Variants in MARK2 observed in about 807,000 individuals in gnomAD.
MARK2 encodes serine/threonine-protein kinase MARK2.
In MARK2, 16 loss-of-function variants were observed where a neutral mutation model predicts 89.8. The observed-to-expected ratio is 0.18, with a 90% CI of 0.12 to 0.27. The LOEUF is 0.27. Among genes scored for constraint, MARK2 ranks in the 10% least tolerant of loss-of-function variants. The pLI is 1.00. For missense variants in MARK2, 621 were observed against 1,049.9 expected (o/e 0.59, Z 5.65); for synonymous variants, 382 against 399.5 (o/e 0.96, Z 0.52).
intron 1 of MARK2, among the ~76,000 whole-genome samples, chr11:63,847,201 T>C (rs2016330368): frequency 6.6e-6 from 1 of 152,360 alleles, no homozygotes; most frequent in East Asian, 1.9e-4. Context: ...TATTTCCCCC[T>C]ACTTGCAGTT....
At chr11:63,871,057 T>C (rs1282369184) in intron 1 of MARK2, among the ~76,000 whole-genome samples, 1 of 152,234 alleles carries the variant, frequency 6.6e-6, no homozygotes, top group Non-Finnish European at 1.5e-5. Context: ...TACATGTATA[T>C]GTGTATATAC....
rs1941025993 is a variant in MARK2 at position 63,902,991 on chromosome 11, C to T, written c.1417-70C>T. Reference sequence around the variant, plus strand: ...AGGGACAGGAAGCCTGTTCCATGAACCTGGGGGGAGAACCTGGCTGTAGAC... The same window carrying T: ...AGGGACAGGAAGCCTGTTCCATGAATCTGGGGGGAGAACCTGGCTGTAGAC... On this transcript the variant is annotated intron_variant, in intron 13 of 18. Transcript: ENST00000402010. The surrounding 1 kb of genome is among the most constrained non-coding windows in gnomAD (Gnocchi z 4.2). 17 of 1,367,938 alleles carry T rather than the reference C, an allele frequency of 1.2e-5. 1 individual carries two copies. In the South Asian group the frequency reaches 1.9e-4, roughly 15 times the overall value. The allele number at this position is 1,367,938 out of a possible 1,614,324, so 84.7% of individuals were successfully genotyped here. A position where few individuals can be genotyped will look rare whatever the true frequency, so the allele number is the denominator to read the frequency against.
chr11:63,839,512 C>T lies in MARK2; in HGVS notation c.6C>T (p.Ser2=), dbSNP rs2015892467. M[S]SARTPLPTLN... ...TCCCCCGAGATACCGGCGCCATGTCCAGCGCTCGGACCCCCCTACCCACGC... is the reference window on the plus strand; with the variant it reads ...TCCCCCGAGATACCGGCGCCATGTCTAGCGCTCGGACCCCCCTACCCACGC... Residue 2 remains serine (S), a synonymous_variant, in exon 1 of 19, where the codon TCC becomes TCT. Transcript: ENST00000402010. The T allele has an allele frequency of 2.0e-6, 3 of 1,535,522 alleles. No individual in the cohort carries two copies. In the African/African-American group the frequency reaches 4.2e-5, roughly 21 times the overall value.
At chr11:63,841,321 A>T (rs556148406) in intron 1 of MARK2, among the ~76,000 whole-genome samples, 5 of 152,186 alleles carry the variant, frequency 3.3e-5, no homozygotes, top group African/African-American at 1.2e-4. Flanking sequence ...TTTTCTCTGC[A>T]GGGTTGACCC....
At chr11:63,870,598 C>A (rs1938390872) in intron 1 of MARK2, among the ~76,000 whole-genome samples, 1 of 152,154 alleles carries the variant, frequency 6.6e-6, no homozygotes, top group Non-Finnish European at 1.5e-5. Context: ...GTGATTTAGT[C>A]TTGGAAATTC....
intron 1 of MARK2, among the ~76,000 whole-genome samples, chr11:63,883,594 C>G (rs1939228265): frequency 6.7e-6 from 1 of 150,150 alleles, no homozygotes; most frequent in African/African-American, 2.5e-5. Context: ...TTTTTTTTTC[C>G]TTTGAGACAG....
chr11:63,894,819 A>G (rs1158194023), intron 1 of MARK2, among the ~76,000 whole-genome samples: 1 of 152,216 alleles, frequency 6.6e-6, no homozygotes, highest in Non-Finnish European at 1.5e-5. Flanking sequence ...CAGTGTGCAC[A>G]GGCAGCATGG....
intron 1 of MARK2, among the ~76,000 whole-genome samples, chr11:63,884,539 T>C (rs1335105369): frequency 6.6e-6 from 1 of 152,238 alleles, no homozygotes; most frequent in Non-Finnish European, 1.5e-5. Flanking sequence ...GCTTTGTGCT[T>C]AAGTTGCAGG....
intron 1 of MARK2, among the ~76,000 whole-genome samples, chr11:63,845,042 A>G (rs531005392): frequency 4.4e-4 from 67 of 152,316 alleles, no homozygotes; most frequent in Non-Finnish European, 7.8e-4. Context: ...CTTCTCTGCT[A>G]AATGGACTCC....
chr11:63,900,733 C>T lies in MARK2; in HGVS notation c.889-47C>T. ...GCCTGGGGTCCCCACAGAAACTTTC[C>T]AGCTGAGTTTCTTCCCCCTGCCCTT... is the stretch of plus-strand genomic sequence containing the variant. On this transcript the variant is annotated intron_variant, in intron 9 of 18. Transcript: ENST00000402010. This position sits in a 1 kb window ranked among gnomAD's most constrained non-coding sequence, Gnocchi z 4.7. The T allele has an allele frequency of 6.2e-7, 1 of 1,613,656 alleles. No individual in the cohort carries two copies. The highest frequency in any genetic ancestry group is 1.3e-5 in the African/African-American group (1 of 75,030).
chr11:63,899,249 C>CT (rs66492279), intron 7 of MARK2, 141 bp downstream of exon 7: 25,210 of 512,276 alleles, frequency 0.049, 3 homozygotes, highest in East Asian at 0.066. Flanking sequence ...TTCTTTCTTT[C>CT]TTTTTTTTTT....
At chr11:63,860,120 C>T (rs989570935) in intron 1 of MARK2, among the ~76,000 whole-genome samples, 5 of 152,180 alleles carry the variant, frequency 3.3e-5, no homozygotes, top group Admixed American at 2.6e-4. Context: ...CCCTGTAATT[C>T]TCAACTTTGT....
In MARK2 at chr11:63,898,301, C is replaced by T. The variant is rs769062075; in HGVS notation, c.337+21C>T. The stretch of plus-strand genomic sequence containing the variant: ...CATAGGTGAGCACAAGTTGTTATTT[C>T]TTTCTTCTTCCCCAACAGCAAGGCA... On this transcript the variant is annotated intron_variant, in intron 4 of 18. Transcript: ENST00000402010. 2.5e-6 allele frequency: 4 copies of T among 1,609,368 alleles called. No homozygotes were observed. In the East Asian group the frequency reaches 6.7e-5, roughly 27 times the overall value.
intron 17 of MARK2, among the ~76,000 whole-genome samples, chr11:63,907,372 G>T (rs940362856): frequency 1.3e-5 from 2 of 152,224 alleles, no homozygotes; most frequent in African/African-American, 4.8e-5. Flanking sequence ...CTCCCTGCTC[G>T]CAGTGCGCTT....
intron 1 of MARK2, among the ~76,000 whole-genome samples, chr11:63,889,456 A>G (rs549443639): frequency 1.2e-3 from 188 of 152,308 alleles, no homozygotes; most frequent in Non-Finnish European, 2.0e-3. Flanking sequence ...GAGCTTCTCC[A>G]TGGGACAACT....
rs1222522372 is a variant in MARK2 at position 63,895,296 on chromosome 11, T to C, written c.192T>C (p.Phe64=). 6.2e-7 allele frequency: 1 copy of C among 1,614,060 alleles called. No homozygotes were observed. Among genetic ancestry groups the C allele is most frequent in the Non-Finnish European group, 8.5e-7 (1 of 1,180,016 alleles). ...TCAAGACCATTGGCAAGGGTAATTT[T>C]GCCAAGGTGAAGTTGGCCCGACACA... ...RLLKTIGKGN[F]AKVKLARHIL... Residue 64 remains phenylalanine (F), a synonymous_variant, in exon 2 of 19, where the codon TTT becomes TTC. Transcript: ENST00000402010.
In MARK2 at chr11:63,858,724, A is replaced by G. The variant is rs142658846; in HGVS notation, c.54+19164A>G. On this transcript the variant is annotated intron_variant, in intron 1 of 18. Transcript: ENST00000402010. ...AAGAAAGCCATTTGACGTCATCAGT[A>G]AGAGTAAAGGGATTCCAGACAGTGT... 3.6e-3 allele frequency among the ~76,000 whole-genome samples: 552 copies of G among 152,362 alleles called. 7 individuals are homozygous for G. Among genetic ancestry groups the G allele is most frequent in the Non-Finnish European group, 4.8e-3 (327 of 68,032 alleles).
Position 63,903,482 on chromosome 11 carries a change from T to A in MARK2, c.1514+324T>A. On this transcript the variant is annotated intron_variant, in intron 14 of 18. Coordinates refer to ENST00000402010, the MANE Select transcript of MARK2 (RefSeq NM_001039469.3). The surrounding 1 kb of genome is among the most constrained non-coding windows in gnomAD (Gnocchi z 5.1). The stretch of plus-strand genomic sequence containing the variant: ...AGCAGCTAAGGCCTTGTGTTGGGGG[T>A]CCCAGCTCAGGGCAGAACCAAGAGA... 1 of 395,408 alleles carries A rather than the reference T, an allele frequency of 2.5e-6. No individual in the cohort carries two copies. Among genetic ancestry groups the A allele is most frequent in the South Asian group, 2.5e-5 (1 of 40,042 alleles). 24.5% of individuals were successfully genotyped at this position (395,408 alleles called of 1,614,324 possible).
Position 63,887,926 on chromosome 11 carries a change from G to A in MARK2, c.55-7233G>A, listed in dbSNP as rs73494126. Among the ~76,000 whole-genome samples the A allele has an allele frequency of 4.5e-3, 684 of 152,278 alleles. 3 individuals are homozygous for A. The highest frequency in any genetic ancestry group is 0.016 in the African/African-American group (646 of 41,540). ...GGTGAGTGAGAACCTAGGGATGAAC[G>A]TTCAGAAGCAGGGCTGGAAGGAACT... On this transcript the variant is annotated intron_variant, in intron 1 of 18. Transcript: ENST00000402010.
Sources: allele counts gnomAD v4.1 joint callset (sites outside exome capture counted in the v4.1 genomes callset), GRCh38; gene constraint gnomAD v4.1.1; non-coding constraint Gnocchi (gnomAD v3.1); transcripts MANE v1.5; gene names NCBI Gene and HGNC (gene_info 2026-07-23, HGNC 2026-07-21).